The following HPS1 variants were observed in gnomAD, a reference collection of about 807,000 sequenced individuals.
HPS1 encodes the protein BLOC-3 complex member HPS1.
In HPS1, 59 loss-of-function variants were observed where a neutral mutation model predicts 90.6. The observed-to-expected ratio is 0.65, with a 90% confidence interval of 0.53 to 0.81. The LOEUF is 0.81. Among genes scored for constraint, HPS1 ranks in the 30% least tolerant of loss-of-function variants. HPS1 has a pLI of 0.00. For synonymous variants in HPS1, 388 were observed against 384.4 expected, an observed-to-expected ratio of 1.01 and a Z score of -0.11; for missense variants, 849 against 896.7, an observed-to-expected ratio of 0.95 and a Z score of 0.68.
In HPS1 at chr10:98,420,161, G is replaced by A; in HGVS notation, c.1744-3C>T. 2 of 1,604,588 alleles carry A rather than the reference G, an allele frequency of 1.2e-6. No individual in the cohort carries two copies. The highest frequency in any genetic ancestry group is 1.7e-6 in the Non-Finnish European group (2 of 1,171,442). On this transcript the variant is annotated splice_polypyrimidine_tract_variant and splice_region_variant and intron_variant, in intron 17 of 19. Coordinates refer to ENST00000361490, the MANE Select transcript of HPS1 (RefSeq NM_000195.5). ...GCCAGCTGGATCAGAGACCAGACCT[G>A]GGGAAAAGACAGCAAGCATCACCAC...
In HPS1 at chr10:98,417,849, A is replaced by G. The variant is rs1844303427; in HGVS notation, c.1941-123T>C. ...CTCGGTCATCTCACTAGGCCCCTGC[A>G]TGTGGGCCTTGACAACCGCTCCGGT... On this transcript the variant is annotated intron_variant, in intron 19 of 19. Transcript: ENST00000361490. The surrounding 1 kb of genome is among the most constrained non-coding windows in gnomAD (Gnocchi z 4.2). 3 of 913,412 alleles carry G rather than the reference A, an allele frequency of 3.3e-6. No homozygotes were observed. The highest frequency in any genetic ancestry group is 3.5e-6 in the Non-Finnish European group (2 of 578,718). The allele number at this position is 913,412 out of a possible 1,614,324, so 56.6% of individuals were successfully genotyped here. A position where few individuals can be genotyped will look rare whatever the true frequency, so the allele number is the denominator to read the frequency against.
intron 18 of HPS1, among the ~76,000 whole-genome samples, chr10:98,418,753 G>A (rs1037907262): frequency 6.6e-6 from 1 of 152,216 alleles, no homozygotes; most frequent in Non-Finnish European, 1.5e-5. Context: ...TCCCTAGTGT[G>A]CAGGGCTGCC....
intron 6 of HPS1, 42 bp downstream of exon 6, chr10:98,433,941 T>C (rs755490674): frequency 1.9e-6 from 3 of 1,549,576 alleles, no homozygotes; most frequent in South Asian, 1.2e-5. Context: ...CCCTCTGACC[T>C]GACAGCTTCA....
intron 6 of HPS1, among the ~76,000 whole-genome samples, chr10:98,433,206 TG>T (rs1394976789): frequency 7.3e-6 from 1 of 137,326 alleles, no homozygotes; most frequent in Non-Finnish European, 1.5e-5. Flanking sequence ...CACTCCAGCC[TG>T]GGCAACAGAG....
intron 6 of HPS1, among the ~76,000 whole-genome samples, chr10:98,432,206 A>G (rs1846579719): frequency 6.6e-6 from 1 of 152,212 alleles, no homozygotes; most frequent in Non-Finnish European, 1.5e-5. Context: ...AAGAGTTTGG[A>G]TTTTATGCTA....
chr10:98,418,660 C>T (rs537851982), intron 18 of HPS1, among the ~76,000 whole-genome samples: 41 of 152,370 alleles, frequency 2.7e-4, no homozygotes, highest in Middle Eastern at 6.8e-3. Flanking sequence ...ATCTGCTGGA[C>T]GTGCCGTGTG....
chr10:98,440,296 T>A (rs997348771), intron 3 of HPS1, among the ~76,000 whole-genome samples: 1 of 152,184 alleles, frequency 6.6e-6, no homozygotes, highest in Non-Finnish European at 1.5e-5. Context: ...TATCCTAAAT[T>A]TATCCTAGGA....
intron 5 of HPS1, among the ~76,000 whole-genome samples, 157 bp from the exon 6 acceptor site, chr10:98,434,248 C>T (rs1217737642): frequency 2.0e-5 from 3 of 152,114 alleles, no homozygotes; most frequent in African/African-American, 7.2e-5. Flanking sequence ...TCCGGCCGAG[C>T]TCTAACTGTG....
chr10:98,442,905 A>G (rs1938699087), intron 3 of HPS1: 2 of 597,104 alleles, frequency 3.3e-6, no homozygotes, highest in Non-Finnish European at 6.1e-6. Context: ...TCCAGAGAGG[A>G]CTGGTGGGGT....
chr10:98,443,783 A>G (rs1283841283), intron 2 of HPS1, among the ~76,000 whole-genome samples: 3 of 152,322 alleles, frequency 2.0e-5, no homozygotes, highest in South Asian at 2.1e-4. Context: ...CTGTAATCCC[A>G]GCACTTTGGG....
Position 98,429,896 on chromosome 10 carries a change from A to G in HPS1, c.769-7T>C. On this transcript the variant is annotated splice_region_variant and splice_polypyrimidine_tract_variant and intron_variant, in intron 8 of 19. Transcript: ENST00000361490. ...GGGCCCTCCGCGGGGAAGGCTGTGC[A>G]GGGCAGGGGAGAGGCTGGTTAGCTC... The G allele has an allele frequency of 6.2e-7, 1 of 1,608,370 alleles. No individual in the cohort carries two copies. Among genetic ancestry groups the G allele is most frequent in the Non-Finnish European group, 8.5e-7 (1 of 1,179,504 alleles).
At position 98,422,373 on chromosome 10, in the gene HPS1, G is replaced by A. The variant is rs1163664891; in HGVS notation, c.1739C>T (p.Thr580Ile). Residue 580 changes from threonine (T) to isoleucine (I), a missense_variant, in exon 17 of 20, where the codon ACT (threonine) becomes ATT (isoleucine). Thr to Ile is a moderately conservative substitution (Grantham distance 89). Transcript: ENST00000361490. ...GCCCTGGGTCCAAATGGTTACCTTA[G>A]TTTTGACAAAGGCAGCCAGCGGCCC... Reference protein sequence around the residue: ...GKGPLAAFVKTKVWSLIQLAR... With the variant: ...GKGPLAAFVKIKVWSLIQLAR... 1.2e-6 allele frequency: 2 copies of A among 1,601,774 alleles called. No individual in the cohort carries two copies. The highest frequency in any genetic ancestry group is 2.2e-5 in the East Asian group (1 of 44,550).
downstream of HPS1, among the ~76,000 whole-genome samples, chr10:98,415,547 A>G (rs1843999306): frequency 1.3e-5 from 2 of 152,196 alleles, no homozygotes; most frequent in African/African-American, 4.8e-5. Flanking sequence ...CTGTGCATCT[A>G]CCTTCTCAGT....
At chr10:98,444,073 A>ACAAACAAAAT (rs1249775228) in intron 2 of HPS1, among the ~76,000 whole-genome samples, 1 of 151,932 alleles carries the variant, frequency 6.6e-6, no homozygotes, top group Non-Finnish European at 1.5e-5. Flanking sequence ...CAAACAAAAA[A>ACAAACAAAAT]CAGCTCCAGA....
In HPS1 at chr10:98,423,895, C is replaced by T. The variant is rs375009475; in HGVS notation, c.1398-8G>A. ...CCACATGCCTGGAGCAGCCTGAGCACGAGAGAGGAGGGCATTACAGCAGAA... is the reference window on the plus strand; with the variant it reads ...CCACATGCCTGGAGCAGCCTGAGCATGAGAGAGGAGGGCATTACAGCAGAA... On this transcript the variant is annotated splice_polypyrimidine_tract_variant and splice_region_variant and intron_variant, in intron 14 of 19. Coordinates refer to ENST00000361490, the MANE Select transcript of HPS1 (RefSeq NM_000195.5). 65 of 1,613,356 alleles carry T rather than the reference C, an allele frequency of 4.0e-5. No individual in the cohort carries two copies. Among genetic ancestry groups the T allele is most frequent in the South Asian group, 8.8e-5 (8 of 91,080 alleles).
chr10:98,429,721 G>C, intron 9 of HPS1, 70 bp downstream of exon 9: 1 of 1,613,896 alleles, frequency 6.2e-7, no homozygotes. Context: ...AGGAGGGATG[G>C]GAAAGGCCTG....
Position 98,423,685 on chromosome 10 carries a change from G to A in HPS1, c.1533-17C>T, listed in dbSNP as rs187227619. The A allele has an allele frequency of 5.1e-5, 83 of 1,614,062 alleles. No homozygotes were observed. Among genetic ancestry groups the A allele is most frequent in the African/African-American group, 8.0e-5 (6 of 75,046 alleles). ...AGCTTCTCCCTGCCGAGGGAAGCTC[G>A]GGCTGCGTGAAGGAAGTACGGGCCC... On this transcript the variant is annotated splice_polypyrimidine_tract_variant and intron_variant, in intron 15 of 19. Coordinates refer to ENST00000361490, the MANE Select transcript of HPS1 (RefSeq NM_000195.5).
intron 10 of HPS1, among the ~76,000 whole-genome samples, chr10:98,428,697 CTTT>C (rs11435125): frequency 6.2e-5 from 8 of 128,118 alleles, no homozygotes; most frequent in Non-Finnish European, 9.7e-5. Context: ...CCACAGGACC[CTTT>C]TTTTTTTTTT....
chr10:98,422,815 C>T lies in HPS1; in HGVS notation c.1599-302G>A, dbSNP rs74154467. On this transcript the variant is annotated intron_variant, in intron 16 of 19. Coordinates refer to ENST00000361490, the MANE Select transcript of HPS1 (RefSeq NM_000195.5). ...GAGGGATGAATTTAAGTCAGACACA[C>T]GTGAGGCTGGAGTGTGAGCACAGCC... 0.042 allele frequency among the ~76,000 whole-genome samples: 6,431 copies of T among 152,324 alleles called. 325 individuals carry two copies. The highest frequency in any genetic ancestry group is 0.11 in the African/African-American group (4,769 of 41,556).
Sources: gnomAD v4.1 joint callset for allele counts (sites outside exome capture counted in the v4.1 genomes callset) on GRCh38, gnomAD v4.1.1 for gene constraint, Gnocchi (gnomAD v3.1) non-coding constraint, MANE v1.5 for transcripts, NCBI Gene and HGNC (gene_info 2026-07-23, HGNC 2026-07-21) for gene names.